The following SUB1 variants were observed in gnomAD, a reference collection of about 807,000 sequenced individuals.
SUB1 encodes activated RNA polymerase II transcriptional coactivator p15.
Under a neutral mutation model 16.9 loss-of-function variants are expected in SUB1, and 1 was observed. The ratio of observed to expected loss-of-function variants is 0.06; its 90% CI spans 0.02 to 0.28. The LOEUF (loss-of-function observed/expected upper bound fraction) is 0.28, where lower values mean the gene tolerates loss of function less well. SUB1 is among the 10% of genes least tolerant of loss of function. The pLI, the probability that SUB1 is intolerant of heterozygous loss-of-function variation, is 1.00. For missense variants in SUB1, 84 were observed against 145.2 expected (o/e 0.58, Z 2.16); for synonymous variants, 51 against 46.9 (o/e 1.09, Z -0.36).
Position 32,602,221 on chromosome 5 carries a change from G to A in SUB1, c.*1137G>A, listed in dbSNP as rs1561039140. On this transcript the variant is annotated 3_prime_UTR_variant, in exon 5 of 5. Coordinates refer to ENST00000265073, the MANE Select transcript of SUB1 (RefSeq NM_006713.4). ...CAGACAGATTGAGGCACAGATTTTAGTGGCTTTGTGGCAATAAATAGGGCA... is the reference window on the plus strand; with the variant it reads ...CAGACAGATTGAGGCACAGATTTTAATGGCTTTGTGGCAATAAATAGGGCA... 1 of 455,620 alleles carries A rather than the reference G, an allele frequency of 2.2e-6. No homozygotes were observed. Among genetic ancestry groups the A allele is most frequent in the South Asian group, 1.6e-5 (1 of 64,516 alleles). 28.2% of individuals were successfully genotyped at this position (455,620 alleles called of 1,614,324 possible).
chr5:32,597,693 C>T (rs778379972), intron 3 of SUB1: 1 of 152,186 alleles, frequency 6.6e-6, no homozygotes, highest in Non-Finnish European at 1.5e-5. Flanking sequence ...ATGCAAGGCA[C>T]CAACCCCTGT....
chr5:32,598,809 A>T (rs1739045036), intron 3 of SUB1, 152 bp from the exon 4 acceptor site: 1 of 583,604 alleles, frequency 1.7e-6, no homozygotes, highest in African/African-American at 1.9e-5. Context: ...TGGGACCTGC[A>T]CAGTTCAGAG....
At chr5:32,599,931 A>C (rs183338450) in intron 4 of SUB1, among the ~76,000 whole-genome samples, 2 of 152,234 alleles carry the variant, frequency 1.3e-5, no homozygotes, top group Non-Finnish European at 1.5e-5. Flanking sequence ...CTAGAACGTT[A>C]AAGTACAAAA....
intron 4 of SUB1, among the ~76,000 whole-genome samples, chr5:32,600,411 A>C (rs532376971): frequency 6.6e-6 from 1 of 152,336 alleles, no homozygotes; most frequent in East Asian, 1.9e-4. Context: ...TTAGCCTGAT[A>C]GTTGACGGGT....
In SUB1 at chr5:32,589,073, A is replaced by AT. The variant is rs35680220; in HGVS notation, c.72+498dup. On this transcript the variant is annotated intron_variant, in intron 2 of 4. Transcript: ENST00000265073. Reference sequence around the variant, plus strand: ...TTGCCGTTATTTAGAAATTTACCAGATTTTTTTTTGTAAAATGTTAATTTT... The same window carrying AT: ...TTGCCGTTATTTAGAAATTTACCAGATTTTTTTTTTGTAAAATGTTAATTTT... Among the ~76,000 whole-genome samples, 112 of 151,314 alleles carry AT rather than the reference A, an allele frequency of 7.4e-4. 1 individual carries two copies. The Middle Eastern group carries it at 0.017, about 23-fold the overall frequency.
chr5:32,589,157 T>C (rs550629295), intron 2 of SUB1, among the ~76,000 whole-genome samples: 111 of 152,226 alleles, frequency 7.3e-4, no homozygotes, highest in African/African-American at 2.6e-3. Flanking sequence ...GGCACCATCA[T>C]GGCTCACTGC....
intron 2 of SUB1, 145 bp downstream of exon 2, chr5:32,588,729 T>C: frequency 1.4e-6 from 1 of 726,398 alleles, no homozygotes. Flanking sequence ...CCTACTTCTT[T>C]GGGAGGCCGA....
intron 3 of SUB1, chr5:32,594,951 GTA>G (rs956047389): frequency 3.2e-5 from 5 of 154,776 alleles, no homozygotes; most frequent in African/African-American, 1.2e-4. Flanking sequence ...TCTTTATGAT[GTA>G]TATGCTATTT....
At chr5:32,600,217 C>T (rs1250748401) in intron 4 of SUB1, among the ~76,000 whole-genome samples, 3 of 152,134 alleles carry the variant, frequency 2.0e-5, no homozygotes, top group Admixed American at 6.6e-5. Flanking sequence ...TGCAGTTACC[C>T]GGGTATACTC....
At chr5:32,593,465 T>TA (rs910402391) in intron 3 of SUB1, among the ~76,000 whole-genome samples, 30 of 152,258 alleles carry the variant, frequency 2.0e-4, no homozygotes, top group African/African-American at 7.0e-4. Flanking sequence ...TACTTCTAGG[T>TA]AAAAAAGATA....
intron 1 of SUB1, chr5:32,586,010 C>G (rs1738652944): frequency 6.6e-6 from 1 of 152,546 alleles, no homozygotes; most frequent in Non-Finnish European, 1.5e-5. Flanking sequence ...CCCCGCCCCT[C>G]GCCCTGAGCG....
At chr5:32,591,849 G>A (rs1226379537) in intron 3 of SUB1, among the ~76,000 whole-genome samples, 164 bp downstream of exon 3, 4 of 152,044 alleles carry the variant, frequency 2.6e-5, no homozygotes, top group African/African-American at 4.8e-5. Context: ...ACAGGCATCC[G>A]CCACCAGACC....
rs573076718 is a variant in SUB1 at position 32,588,277 on chromosome 5, G to T, written c.-1-235G>T. On this transcript the variant is annotated intron_variant, in intron 1 of 4. Transcript: ENST00000265073. ...GGAGAAAGGTTAGAGGTGTAGGAGT[G>T]TATGACATTTAGTTCATTGTTCTTA... 2.6e-5 allele frequency among the ~76,000 whole-genome samples: 4 copies of T among 152,284 alleles called. No individual in the cohort carries two copies. The East Asian group carries it at 7.7e-4, about 29-fold the overall frequency.
chr5:32,590,629 T>C lies in SUB1; in HGVS notation c.73-934T>C, dbSNP rs185510341. ...TTTTATTTTGAGATGAAGTTTTGCT[T>C]TTGTTGCCCAGGCTGGAGTGTAATG... is the stretch of plus-strand genomic sequence containing the variant. On this transcript the variant is annotated intron_variant, in intron 2 of 4. Transcript: ENST00000265073. Among the ~76,000 whole-genome samples the C allele has an allele frequency of 9.3e-4, 141 of 151,966 alleles. 1 individual carries two copies. The highest frequency in any genetic ancestry group is 1.7e-3 in the Non-Finnish European group (113 of 67,948).
rs1447404964 is a variant in SUB1 at position 32,602,608 on chromosome 5, T to G, written c.*1524T>G. On this transcript the variant is annotated 3_prime_UTR_variant, in exon 5 of 5. Coordinates refer to ENST00000265073, the MANE Select transcript of SUB1 (RefSeq NM_006713.4). ...GAAAATCATTTGCCAGGCCACATAG[T>G]TATCAATTTTTTTTTCTATCAGCTA... is the stretch of plus-strand genomic sequence containing the variant. The G allele has an allele frequency of 6.2e-6, 1 of 160,676 alleles. No individual in the cohort carries two copies. The highest frequency in any genetic ancestry group is 2.4e-5 in the African/African-American group (1 of 40,926). The allele number at this position is 160,676 out of a possible 1,614,324, so 10.0% of individuals were successfully genotyped here.
In SUB1 at chr5:32,585,592, A is replaced by T. The variant is rs576065575; in HGVS notation, c.-35A>T. The T allele has an allele frequency of 2.6e-5, 4 of 152,320 alleles. No homozygotes were observed. The highest frequency in any genetic ancestry group is 2.1e-4 in the South Asian group (1 of 4,828). 9.4% of individuals were successfully genotyped at this position (152,320 alleles called of 1,614,324 possible). A position where few individuals can be genotyped will look rare whatever the true frequency, so the allele number is the denominator to read the frequency against. ...CTCTGTCAGTCGCGAGCGAACGACC[A>T]AGAGGGTGTTCGACTGCTAGAGCCG... is the stretch of plus-strand genomic sequence containing the variant. On this transcript the variant is annotated 5_prime_UTR_variant, in exon 1 of 5. Coordinates refer to ENST00000265073, the MANE Select transcript of SUB1 (RefSeq NM_006713.4).
chr5:32,590,691 G>T (rs765630844), intron 2 of SUB1, among the ~76,000 whole-genome samples: 43 of 145,684 alleles, frequency 3.0e-4, no homozygotes, highest in Non-Finnish European at 4.3e-4. Context: ...CGCGTCCCGG[G>T]TTCAAGCGAT....
chr5:32,589,338 C>G (rs1378374409), intron 2 of SUB1, among the ~76,000 whole-genome samples: 1 of 152,176 alleles, frequency 6.6e-6, no homozygotes, highest in Non-Finnish European at 1.5e-5. Flanking sequence ...TCTTCTGCCT[C>G]AGACTCCCAA....
Position 32,602,270 on chromosome 5 carries a change from T to C in SUB1, c.*1186T>C. 2.2e-6 allele frequency: 1 copy of C among 452,462 alleles called. No homozygotes were observed. 28.0% of individuals were successfully genotyped at this position (452,462 alleles called of 1,614,324 possible). A position where few individuals can be genotyped will look rare whatever the true frequency, so the allele number is the denominator to read the frequency against. ...CATGGTGTGCCTTAGGAAAAGAATG[T>C]TTATAAAGGGAATTATAACTGAAAT... On this transcript the variant is annotated 3_prime_UTR_variant, in exon 5 of 5. Coordinates refer to ENST00000265073, the MANE Select transcript of SUB1 (RefSeq NM_006713.4).
Sources: gnomAD v4.1 joint callset for allele counts (sites outside exome capture counted in the v4.1 genomes callset) on GRCh38, gnomAD v4.1.1 for gene constraint, MANE v1.5 for transcripts, NCBI Gene and HGNC (gene_info 2026-07-23, HGNC 2026-07-21) for gene names.